Variants in PPP6R3 observed in about 807,000 individuals in gnomAD.
PPP6R3 encodes protein phosphatase 6 regulatory subunit 3.
PPP6R3 carries 38 observed loss-of-function variants against 110.7 expected under a neutral mutation model. The observed-to-expected ratio is 0.34, with a 90% CI of 0.26 to 0.45. The LOEUF (loss-of-function observed/expected upper bound fraction) is 0.45. Among genes scored for constraint, PPP6R3 ranks in the 20% least tolerant of loss-of-function variants. PPP6R3 has a pLI of 1.00. For missense variants in PPP6R3, 870 were observed against 1,062.4 expected, an observed-to-expected ratio of 0.82 and a Z score of 2.52; for synonymous variants, 369 against 373.5, an observed-to-expected ratio of 0.99 and a Z score of 0.14.
rs1701290253 is a variant in PPP6R3, at chr11:68,544,967, A to G, written c.357A>G (p.Leu119=). 1 of 1,609,080 alleles carries G rather than the reference A, an allele frequency of 6.2e-7. No homozygotes were observed. The highest frequency in any genetic ancestry group is 8.5e-7 in the Non-Finnish European group (1 of 1,175,602). Residue 119 remains leucine, a synonymous_variant, in exon 4 of 24, where the codon CTA becomes CTG. Transcript: ENST00000393800. ...FLLNDSPLNP[L]LASFFSKVLS... ...TAAACGATTCCCCTTTGAATCCACT[A>G]CTTGCCAGTTTCTTCAGCAAGGTGC... is the stretch of plus-strand genomic sequence containing the variant.
At chr11:68,517,041 G>GT (rs2099140605) in intron 1 of PPP6R3, among the ~76,000 whole-genome samples, 1 of 151,292 alleles carries the variant, frequency 6.6e-6, no homozygotes, top group Admixed American at 6.6e-5. Context: ...CCTTGGTATG[G>GT]GTCTGTTTTA....
chr11:68,564,457 C>T, intron 9 of PPP6R3, 25 bp downstream of exon 9: 1 of 1,612,126 alleles, frequency 6.2e-7, no homozygotes, highest in Non-Finnish European at 8.5e-7. Context: ...TTAAGCATGG[C>T]TGCCCAGCGA....
chr11:68,566,452 G>A (rs116788204), intron 9 of PPP6R3, among the ~76,000 whole-genome samples: 2,070 of 151,860 alleles, frequency 0.014, 56 homozygotes, highest in African/African-American at 0.047. Context: ...CTCAACTTCC[G>A]CAGGCCCAGG....
At chr11:68,582,990 A>T in intron 14 of PPP6R3, 53 bp from the exon 15 acceptor site, 1 of 1,221,524 alleles carries the variant, frequency 8.2e-7, no homozygotes, top group Non-Finnish European at 1.1e-6. Flanking sequence ...TGCTGATACA[A>T]ATGTCCAAAA....
chr11:68,494,475 A>G (rs893363194), intron 1 of PPP6R3, among the ~76,000 whole-genome samples: 1 of 149,758 alleles, frequency 6.7e-6, no homozygotes, highest in African/African-American at 2.5e-5. Flanking sequence ...AGATGAGTGG[A>G]CCTGTTTCCC....
At chr11:68,603,263 T>C in intron 21 of PPP6R3, 79 bp from the exon 22 acceptor site, 1 of 1,543,356 alleles carries the variant, frequency 6.5e-7, no homozygotes, top group South Asian at 1.2e-5. Flanking sequence ...TCACGTTGGG[T>C]AGATGGGTTT....
intron 2 of PPP6R3, among the ~76,000 whole-genome samples, chr11:68,524,452 T>A (rs2510395): frequency 6.6e-6 from 1 of 152,076 alleles, no homozygotes. Context: ...CTCAGGGCAG[T>A]CCACAGTGGG....
intron 9 of PPP6R3, among the ~76,000 whole-genome samples, chr11:68,566,237 G>GGCTGCT (rs59680768): frequency 0.017 from 2,639 of 151,220 alleles, 42 homozygotes; most frequent in African/African-American, 0.037. Context: ...CCACCACCAC[G>GGCTGCT]GCTGCTGCTG....
rs757634375 is a variant in PPP6R3 at position 68,564,394 on chromosome 11, C to T, written c.937C>T (p.Leu313Phe). Reference sequence around the variant, plus strand: ...TGTTCTAGAAGCCATCAGAGGAAGACTTGGATCTTTTCATGAACTCCTGCT... The same window carrying T: ...TGTTCTAGAAGCCATCAGAGGAAGATTTGGATCTTTTCATGAACTCCTGCT... The part of the protein sequence containing the change: ...KSVLEAIRGR[L>F]GSFHELLLEP... The change falls in exon 9 of 24, where the codon CTT becomes TTT. Residue 313 changes from leucine to phenylalanine, a missense_variant. Transcript: ENST00000393800. 8 of 1,613,862 alleles carry T rather than the reference C, an allele frequency of 5.0e-6. No individual in the cohort carries two copies. The Admixed American group carries it at 8.3e-5, about 17-fold the overall frequency.
Position 68,596,175 on chromosome 11 carries a change from C to G in PPP6R3, c.1995C>G (p.Ser665Arg), listed in dbSNP as rs779159930. 6.2e-7 allele frequency: 1 copy of G among 1,614,218 alleles called. No homozygotes were observed. Among genetic ancestry groups the G allele is most frequent in the Non-Finnish European group, 8.5e-7 (1 of 1,180,020 alleles). ...DGAKQDLFEPSSANTEDKMEV... is the reference protein window; with the variant it reads ...DGAKQDLFEPRSANTEDKMEV... ...CAAAGCAAGACTTGTTTGAACCCAGCAGTGCCAACACGGAGGATAAAATGG... is the reference window on the plus strand; with the variant it reads ...CAAAGCAAGACTTGTTTGAACCCAGGAGTGCCAACACGGAGGATAAAATGG... The change falls in exon 19 of 24, where the codon AGC becomes AGG. Residue 665 changes from serine to arginine, a missense_variant. Transcript: ENST00000393800.
chr11:68,611,960 C>T (rs562108525), intron 23 of PPP6R3, among the ~76,000 whole-genome samples: 3 of 152,300 alleles, frequency 2.0e-5, no homozygotes, highest in South Asian at 2.1e-4. Flanking sequence ...CTTTTCACAG[C>T]TGTTTTATCA....
intron 23 of PPP6R3, 46 bp from the exon 24 acceptor site, chr11:68,613,020 A>G: frequency 6.2e-7 from 1 of 1,613,892 alleles, no homozygotes; most frequent in Non-Finnish European, 8.5e-7. Flanking sequence ...TTTGTTTTTC[A>G]TATTTCTGCT....
intron 3 of PPP6R3, among the ~76,000 whole-genome samples, chr11:68,542,411 T>TTTTTTTTTTTTTTTTTTTTTTTTTA (rs1244450813): frequency 7.0e-6 from 1 of 141,882 alleles, no homozygotes; most frequent in African/African-American, 2.7e-5. Flanking sequence ...TTTTTTTTTT[T>TTTTTTTTTTTTTTTTTTTTTTTTTA]AAGACAGAGT....
At position 68,530,544 on chromosome 11, in the gene PPP6R3, C is replaced by T. The variant is rs539229982; in HGVS notation, c.-6-7115C>T. Among the ~76,000 whole-genome samples the T allele has an allele frequency of 3.9e-5, 6 of 152,270 alleles. No individual in the cohort carries two copies. In the South Asian group the frequency reaches 1.0e-3, roughly 26 times the overall value. On this transcript the variant is annotated intron_variant, in intron 2 of 23. Transcript: ENST00000393800. The stretch of plus-strand genomic sequence containing the variant: ...AGAAATATCTTATGTGTGTTTATTG[C>T]CAGTCTGGCATATGATATCAGATAT...
chr11:68,512,820 C>T (rs2153540498), intron 1 of PPP6R3, among the ~76,000 whole-genome samples: 2 of 152,246 alleles, frequency 1.3e-5, no homozygotes, highest in Middle Eastern at 6.8e-3. Flanking sequence ...TGAATGTCTG[C>T]CCTTACAAAC....
intron 1 of PPP6R3, among the ~76,000 whole-genome samples, chr11:68,473,695 AC>A (rs1034636286): frequency 6.6e-6 from 1 of 152,190 alleles, no homozygotes; most frequent in African/African-American, 2.4e-5. Flanking sequence ...ATTGGAGGAC[AC>A]CCACCTGGTG....
chr11:68,526,622 C>T (rs2099199858), intron 2 of PPP6R3, among the ~76,000 whole-genome samples: 2 of 152,200 alleles, frequency 1.3e-5, no homozygotes, highest in Admixed American at 6.5e-5. Flanking sequence ...CATCTGGAAC[C>T]AGCTGGGTGT....
At chr11:68,502,573 A>G (rs1390075731) in intron 1 of PPP6R3, among the ~76,000 whole-genome samples, 1 of 152,194 alleles carries the variant, frequency 6.6e-6, no homozygotes, top group Non-Finnish European at 1.5e-5. Context: ...GGATGAATGC[A>G]CACTCCAGTT....
chr11:68,565,665 G>A (rs746464871), intron 9 of PPP6R3, among the ~76,000 whole-genome samples: 1 of 152,016 alleles, frequency 6.6e-6, no homozygotes, highest in Non-Finnish European at 1.5e-5. Context: ...GGACAAACAG[G>A]TGGCATCTGG....
Sources: gnomAD v4.1 joint callset for allele counts (sites outside exome capture counted in the v4.1 genomes callset) on GRCh38, gnomAD v4.1.1 for gene constraint, MANE v1.5 for transcripts, NCBI Gene and HGNC (gene_info 2026-07-23, HGNC 2026-07-21) for gene names.